Variants in CERS3 observed in about 807,000 individuals in gnomAD.
The protein encoded by CERS3 is ceramide synthase 3.
In CERS3, 33 loss-of-function variants were observed where a neutral mutation model predicts 50.3. That is an observed-to-expected ratio of 0.66 (90% CI 0.50 to 0.88). The LOEUF is 0.88. Ranked by LOEUF, CERS3 falls within the 40% of genes least tolerant of loss-of-function variation. The probability of loss-of-function intolerance (pLI) is 0.00; values close to 1 mark genes in which losing one functional copy is unlikely to be tolerated. For synonymous variants in CERS3, 176 were observed against 155.2 expected, an observed-to-expected ratio of 1.13 and a Z score of -0.99; for missense variants, 470 against 460.3, an observed-to-expected ratio of 1.02 and a Z score of -0.19.
intron 11 of CERS3, among the ~76,000 whole-genome samples, chr15:100,423,779 C>T (rs1038178224): frequency 6.6e-6 from 1 of 152,106 alleles, no homozygotes; most frequent in Non-Finnish European, 1.5e-5. Context: ...GCTCCTCTTC[C>T]CCCTACTCCA....
intron 10 of CERS3, among the ~76,000 whole-genome samples, chr15:100,460,277 G>A (rs1274601497): frequency 2.0e-5 from 3 of 152,014 alleles, no homozygotes; most frequent in Non-Finnish European, 2.9e-5. Context: ...TGTAAAATGC[G>A]AGCAGAGAGT....
At chr15:100,417,435 C>G (rs894622425) in intron 11 of CERS3, among the ~76,000 whole-genome samples, 1 of 152,102 alleles carries the variant, frequency 6.6e-6, no homozygotes, top group African/African-American at 2.4e-5. Context: ...GGTCCTACCC[C>G]ACGGAGTCTC....
intron 5 of CERS3, among the ~76,000 whole-genome samples, chr15:100,481,588 C>T (rs1227773343): frequency 2.6e-5 from 4 of 152,232 alleles, no homozygotes; most frequent in East Asian, 1.9e-4. Context: ...CCATCGGGCA[C>T]GGTGCTGCGC....
intron 11 of CERS3, among the ~76,000 whole-genome samples, chr15:100,429,374 G>C (rs1049511228): frequency 2.0e-5 from 3 of 152,152 alleles, no homozygotes; most frequent in Non-Finnish European, 4.4e-5. Context: ...GGGGTATTAC[G>C]TAAGAAACAG....
At chr15:100,418,734 C>T (rs1391932757) in intron 11 of CERS3, among the ~76,000 whole-genome samples, 1,584 of 135,458 alleles carry the variant, frequency 0.012, 10 homozygotes, top group Middle Eastern at 0.032. Flanking sequence ...GCAGATCTCT[C>T]GGCAGAAACC....
At chr15:100,525,981 G>T (rs1451698737) in intron 1 of CERS3, among the ~76,000 whole-genome samples, 3 of 152,174 alleles carry the variant, frequency 2.0e-5, no homozygotes, top group Non-Finnish European at 4.4e-5. Flanking sequence ...TTAGATCGTT[G>T]TATTGTGTGT....
At chr15:100,542,083 T>C (rs1428842321) in intron 1 of CERS3, among the ~76,000 whole-genome samples, 1 of 152,028 alleles carries the variant, frequency 6.6e-6, no homozygotes, top group Non-Finnish European at 1.5e-5. Flanking sequence ...AAATAGAAAA[T>C]ATAAAACTAA....
At chr15:100,521,152 C>T (rs986511736) in intron 2 of CERS3, among the ~76,000 whole-genome samples, 5 of 152,222 alleles carry the variant, frequency 3.3e-5, no homozygotes, top group African/African-American at 9.6e-5. Flanking sequence ...CTCCCCTCTA[C>T]GTTACCTGAC....
chr15:100,508,395 A>T (rs1033233992), intron 2 of CERS3, among the ~76,000 whole-genome samples: 2 of 152,224 alleles, frequency 1.3e-5, no homozygotes, highest in Admixed American at 1.3e-4. Context: ...GAAAAAAAAC[A>T]TATCACCTAT....
At chr15:100,457,247 AAT>A (rs1734428695) in intron 10 of CERS3, among the ~76,000 whole-genome samples, 1 of 152,194 alleles carries the variant, frequency 6.6e-6, no homozygotes, top group African/African-American at 2.4e-5. Context: ...CAATGAATTT[AAT>A]ATGTCTATAG....
At chr15:100,418,332 G>C (rs925756672) in intron 11 of CERS3, among the ~76,000 whole-genome samples, 9 of 151,924 alleles carry the variant, frequency 5.9e-5, no homozygotes, top group South Asian at 4.2e-4. Context: ...AGGGTATCAG[G>C]GATGGAAGAT....
At chr15:100,470,683 A>T (rs1461138310) in intron 9 of CERS3, among the ~76,000 whole-genome samples, 1 of 152,220 alleles carries the variant, frequency 6.6e-6, no homozygotes, top group African/African-American at 2.4e-5. Context: ...GGATTGTGTA[A>T]TGATGAAATG....
intron 11 of CERS3, among the ~76,000 whole-genome samples, chr15:100,444,577 A>G (rs1262516908): frequency 6.6e-6 from 1 of 152,120 alleles, no homozygotes; most frequent in African/African-American, 2.4e-5. Context: ...AGAACCTCTC[A>G]TTTCCTTTCC....
chr15:100,409,114 C>T (rs1170212477), intron 11 of CERS3, among the ~76,000 whole-genome samples: 1 of 152,172 alleles, frequency 6.6e-6, no homozygotes, highest in African/African-American at 2.4e-5. Flanking sequence ...GTTGGCTCTT[C>T]GTATAAGAAA....
chr15:100,480,816 C>CA (rs1202758768), intron 5 of CERS3, among the ~76,000 whole-genome samples: 14 of 152,074 alleles, frequency 9.2e-5, no homozygotes, highest in African/African-American at 3.1e-4. Context: ...AATGAAATAA[C>CA]AGTGTCTGAT....
At chr15:100,530,462 T>A (rs56203390), upstream of CERS3, among the ~76,000 whole-genome samples, 13,382 of 152,268 alleles carry the variant, frequency 0.088, 697 homozygotes, top group Admixed American at 0.13. Flanking sequence ...CTCGCCTCTG[T>A]GCCTAATGAA....
At chr15:100,446,980 G>A (rs968557529) in intron 11 of CERS3, among the ~76,000 whole-genome samples, 4 of 152,134 alleles carry the variant, frequency 2.6e-5, no homozygotes, top group African/African-American at 7.2e-5. Flanking sequence ...TCACATAATA[G>A]ATAGCAGCCC....
At chr15:100,492,637 C>A (rs148418516) in intron 3 of CERS3, among the ~76,000 whole-genome samples, 1 of 152,126 alleles carries the variant, frequency 6.6e-6, no homozygotes, top group Non-Finnish European at 1.5e-5. Context: ...ATAGTTGGAT[C>A]GTGTTTTCCT....
At chr15:100,507,143 G>C (rs190033591) in intron 2 of CERS3, among the ~76,000 whole-genome samples, 1 of 152,040 alleles carries the variant, frequency 6.6e-6, no homozygotes, top group Non-Finnish European at 1.5e-5. Flanking sequence ...ATAAATAAAA[G>C]AAATAAAGAC....
Sources: allele counts gnomAD v4.1 joint callset (sites outside exome capture counted in the v4.1 genomes callset), GRCh38; gene constraint gnomAD v4.1.1; transcripts MANE v1.5; gene names NCBI Gene and HGNC (gene_info 2026-07-23, HGNC 2026-07-21).